Variants in COTL1 observed in about 807,000 individuals in gnomAD.
COTL1 encodes coactosin like F-actin binding protein 1.
Under a neutral mutation model 16.5 loss-of-function variants are expected in COTL1, and 15 were observed. That is an observed-to-expected ratio of 0.91 (90% CI 0.61 to 1.40). COTL1 has a LOEUF of 1.40. Ranked by LOEUF, COTL1 falls within the 40% of genes most tolerant of loss-of-function variation. The probability of loss-of-function intolerance (pLI) is 0.00; values close to 1 mark genes in which losing one functional copy is unlikely to be tolerated. For missense variants in COTL1, 220 were observed against 201.5 expected (o/e 1.09, Z -0.56); for synonymous variants, 112 against 85.3 (o/e 1.31, Z -1.73).
intron 2 of COTL1, among the ~76,000 whole-genome samples, chr16:84,599,393 G>C (rs935265988): frequency 1.3e-5 from 2 of 152,192 alleles, no homozygotes; most frequent in African/African-American, 4.8e-5. Context: ...ACTAGGTGTA[G>C]AATAATGAGA....
intron 2 of COTL1, among the ~76,000 whole-genome samples, chr16:84,615,270 G>A (rs1905442608): frequency 6.6e-6 from 1 of 152,230 alleles, no homozygotes; most frequent in Non-Finnish European, 1.5e-5. Context: ...ACACACAGCA[G>A]GGAAGCATTT....
At chr16:84,577,640 C>T (rs2150682259) in intron 3 of COTL1, among the ~76,000 whole-genome samples, 1 of 152,276 alleles carries the variant, frequency 6.6e-6, no homozygotes, top group Admixed American at 6.5e-5. Flanking sequence ...GATTCAGGAA[C>T]AAAGGCACCT....
intron 3 of COTL1, among the ~76,000 whole-genome samples, chr16:84,570,044 G>A (rs1436263038): frequency 3.9e-5 from 6 of 152,206 alleles, no homozygotes; most frequent in African/African-American, 1.2e-4. Flanking sequence ...TTGGGAGGCT[G>A]AGGAGAGCAG....
At chr16:84,570,836 G>A (rs1053812031) in intron 3 of COTL1, among the ~76,000 whole-genome samples, 1 of 152,210 alleles carries the variant, frequency 6.6e-6, no homozygotes, top group East Asian at 1.9e-4. Context: ...TAGAAAGCAA[G>A]TGTCTTAACA....
intron 3 of COTL1, among the ~76,000 whole-genome samples, chr16:84,577,905 T>C (rs1270728596): frequency 1.3e-5 from 2 of 152,166 alleles, no homozygotes; most frequent in Admixed American, 1.3e-4. Context: ...TCTTCAGCAT[T>C]TGGGCAACTG....
In COTL1 at chr16:84,582,713, A is replaced by T. The variant is rs562424744; in HGVS notation, c.318+7392T>A. Among the ~76,000 whole-genome samples the T allele has an allele frequency of 3.3e-5, 5 of 152,312 alleles. No individual in the cohort carries two copies. The East Asian group carries it at 5.8e-4, about 18-fold the overall frequency. ...TAGTTCACCAGGCATCAAAATGGAG[A>T]AGCCCTTTTCACACCTACTGCTTTT... On this transcript the variant is annotated intron_variant, in intron 3 of 3. Transcript: ENST00000262428.
chr16:84,598,731 A>G (rs1363542670), intron 2 of COTL1, among the ~76,000 whole-genome samples: 1 of 134,414 alleles, frequency 7.4e-6, no homozygotes, highest in Non-Finnish European at 1.6e-5. Flanking sequence ...GGTAAAGGAG[A>G]GACAGTGGGG....
chr16:84,605,297 GC>G (rs1202172635), intron 2 of COTL1, among the ~76,000 whole-genome samples: 3 of 152,234 alleles, frequency 2.0e-5, no homozygotes, highest in African/African-American at 7.2e-5. Context: ...AAGAATTGCA[GC>G]CTGGCCTGCG....
At chr16:84,597,005 G>T (rs1210782948) in intron 2 of COTL1, among the ~76,000 whole-genome samples, 1 of 152,038 alleles carries the variant, frequency 6.6e-6, no homozygotes. Context: ...AGCCAGGGCC[G>T]CATCCTAGCA....
At chr16:84,595,809 ATATG>A (rs1904989649) in intron 2 of COTL1, 1 of 152,010 alleles carries the variant, frequency 6.6e-6, no homozygotes, top group Admixed American at 6.5e-5. Flanking sequence ...GTGTGTTTGT[ATATG>A]TGTGTATATA....
intron 3 of COTL1, chr16:84,576,649 G>A (rs948835006): frequency 6.6e-6 from 1 of 152,114 alleles, no homozygotes; most frequent in Non-Finnish European, 1.5e-5. Context: ...TGGACAACAG[G>A]GTCCCCCAGC....
chr16:84,583,483 G>A (rs553695759), intron 3 of COTL1, among the ~76,000 whole-genome samples: 1 of 152,206 alleles, frequency 6.6e-6, no homozygotes, highest in East Asian at 1.9e-4. Flanking sequence ...TTTGAGACAG[G>A]GTTTTCCTCT....
In COTL1 at chr16:84,590,294, C is replaced by G; in HGVS notation, c.161-32G>C. ...CCAAAAGCGAAAAGAGAACATGGTG[C>G]TGCGTTAAAACACCCCCATGTCATG... On this transcript the variant is annotated intron_variant, in intron 2 of 3. Transcript: ENST00000262428. This position sits in a 1 kb window ranked among gnomAD's most constrained non-coding sequence, Gnocchi z 5.5. 1 of 1,607,380 alleles carries G rather than the reference C, an allele frequency of 6.2e-7. No homozygotes were observed. The highest frequency in any genetic ancestry group is 8.5e-7 in the Non-Finnish European group (1 of 1,175,046).
intron 2 of COTL1, among the ~76,000 whole-genome samples, chr16:84,607,036 G>A (rs1341715032): frequency 6.6e-6 from 1 of 152,222 alleles, no homozygotes; most frequent in African/African-American, 2.4e-5. Flanking sequence ...ACACCCATGG[G>A]GGAAAGAGAT....
At chr16:84,592,383 A>C (rs1439518814) in intron 2 of COTL1, among the ~76,000 whole-genome samples, 3 of 152,118 alleles carry the variant, frequency 2.0e-5, no homozygotes, top group Non-Finnish European at 2.9e-5. Context: ...ACTTGCATAA[A>C]CTGATGCTCT....
At chr16:84,587,504 CAG>C (rs1008337930) in intron 3 of COTL1, among the ~76,000 whole-genome samples, 10 of 152,108 alleles carry the variant, frequency 6.6e-5, no homozygotes, top group Admixed American at 2.0e-4. Context: ...AGGCCAAGAA[CAG>C]GGGAACATTT....
intron 2 of COTL1, among the ~76,000 whole-genome samples, chr16:84,613,561 G>A (rs542957275): frequency 1.2e-3 from 190 of 152,268 alleles, no homozygotes; most frequent in Admixed American, 2.2e-3. Context: ...CAGCATGAGT[G>A]TAATCCAATG....
Position 84,602,021 on chromosome 16 carries a change from A to G in COTL1, c.161-11759T>C, listed in dbSNP as rs1358692755. On this transcript the variant is annotated intron_variant, in intron 2 of 3. Coordinates refer to ENST00000262428, the MANE Select transcript of COTL1 (RefSeq NM_021149.5). ...TCAGAATGAGCTACAGGCCTCCTTC[A>G]GCTTGCTCAGCCCTACTCCAGGAGG... is the stretch of plus-strand genomic sequence containing the variant. Among the ~76,000 whole-genome samples, 3 of 152,200 alleles carry G rather than the reference A, an allele frequency of 2.0e-5. No individual in the cohort carries two copies. The East Asian group carries it at 5.8e-4, about 29-fold the overall frequency.
intron 3 of COTL1, among the ~76,000 whole-genome samples, chr16:84,587,883 T>A (rs919790497): frequency 2.0e-4 from 31 of 152,088 alleles, no homozygotes; most frequent in African/African-American, 7.2e-4. Flanking sequence ...GAGATTCTCC[T>A]GTCTCAGCCT....
Sources: gnomAD v4.1 joint callset for allele counts (sites outside exome capture counted in the v4.1 genomes callset) on GRCh38, gnomAD v4.1.1 for gene constraint, Gnocchi (gnomAD v3.1) non-coding constraint, MANE v1.5 for transcripts, NCBI Gene and HGNC (gene_info 2026-07-23, HGNC 2026-07-21) for gene names.